TGM2: variants seen among roughly 807,000 people sequenced by gnomAD.
TGM2 encodes protein-glutamine gamma-glutamyltransferase 2.
Under a neutral mutation model 75.6 loss-of-function variants are expected in TGM2, and 53 were observed. The observed-to-expected ratio is 0.70, with a 90% CI of 0.56 to 0.88. TGM2 has a LOEUF of 0.88. Among genes scored for constraint, TGM2 ranks in the 40% least tolerant of loss-of-function variants. The probability of loss-of-function intolerance (pLI) is 0.00; values close to 1 mark genes in which losing one functional copy is unlikely to be tolerated. For synonymous variants in TGM2, 374 were observed against 381.1 expected (o/e 0.98, Z 0.22); for missense variants, 842 against 928.5 (o/e 0.91, Z 1.21).
chr20:38,130,123 G>T lies in TGM2; in HGVS notation c.*96C>A. 1 of 1,545,046 alleles carries T rather than the reference G, an allele frequency of 6.5e-7. No homozygotes were observed. Among genetic ancestry groups the T allele is most frequent in the Non-Finnish European group, 8.8e-7 (1 of 1,137,640 alleles). ...CATAGGCTGCCCACCCTGCCCTGGGGTCTGGGGCCCAAGAAGGGGCATATT... is the reference window on the plus strand; with the variant it reads ...CATAGGCTGCCCACCCTGCCCTGGGTTCTGGGGCCCAAGAAGGGGCATATT... On this transcript the variant is annotated 3_prime_UTR_variant, in exon 13 of 13. Transcript: ENST00000361475.
In TGM2 at chr20:38,157,517, C is replaced by T. The variant is rs577559508; in HGVS notation, c.191-1428G>A. ...TATCCAAGAAGAAAACAGGCTTAGG[C>T]CACATGCCTGGGAGAGTCCAATCTC... On this transcript the variant is annotated intron_variant, in intron 2 of 12. Coordinates refer to ENST00000361475, the MANE Select transcript of TGM2 (RefSeq NM_004613.4). Among the ~76,000 whole-genome samples, 22 of 152,352 alleles carry T rather than the reference C, an allele frequency of 1.4e-4. No individual in the cohort carries two copies. The South Asian group carries it at 4.1e-3, about 29-fold the overall frequency.
chr20:38,164,119 A>G (rs1458784375), intron 1 of TGM2, among the ~76,000 whole-genome samples: 2 of 152,142 alleles, frequency 1.3e-5, no homozygotes, highest in African/African-American at 4.8e-5. Flanking sequence ...GCTTTTGAGC[A>G]TGGGGGTGAG....
At chr20:38,137,809 A>C in intron 10 of TGM2, 1 of 432,110 alleles carries the variant, frequency 2.3e-6, no homozygotes, top group Non-Finnish European at 4.1e-6. Context: ...GTGAAACCAA[A>C]CAGTATAGCT....
At chr20:38,132,240 G>T in intron 11 of TGM2, 100 bp downstream of exon 11, 1 of 1,391,892 alleles carries the variant, frequency 7.2e-7, no homozygotes, top group Non-Finnish European at 1.0e-6. Flanking sequence ...AAGGTCTGGA[G>T]CTTGCAGGGA....
intron 3 of TGM2, among the ~76,000 whole-genome samples, chr20:38,152,295 C>G (rs1416614296): frequency 1.3e-5 from 2 of 152,116 alleles, no homozygotes; most frequent in African/African-American, 2.4e-5. Context: ...TTGTCATGCC[C>G]GTCTGCAGCA....
intron 6 of TGM2, chr20:38,145,786 T>G (rs2075037583): frequency 7.5e-6 from 1 of 133,504 alleles, no homozygotes; most frequent in African/African-American, 3.1e-5. Flanking sequence ...TTTTTTTTTT[T>G]TGAGAGAGGA....
intron 9 of TGM2, 72 bp downstream of exon 9, chr20:38,139,340 C>T (rs1459981503): frequency 6.2e-7 from 1 of 1,610,574 alleles, no homozygotes; most frequent in East Asian, 2.2e-5. Context: ...CACACACATA[C>T]ACGAGCCTGC....
At position 38,132,208 on chromosome 20, in the gene TGM2, T is replaced by C. The variant is rs558912405; in HGVS notation, c.1776+132A>G. 6.0e-6 allele frequency: 6 copies of C among 999,088 alleles called. No homozygotes were observed. In the Admixed American group the frequency reaches 1.2e-4, roughly 20 times the overall value. The allele number at this position is 999,088 out of a possible 1,614,324, so 61.9% of individuals were successfully genotyped here. A position where few individuals can be genotyped will look rare whatever the true frequency, so the allele number is the denominator to read the frequency against. On this transcript the variant is annotated intron_variant, in intron 11 of 12. Coordinates refer to ENST00000361475, the MANE Select transcript of TGM2 (RefSeq NM_004613.4). ...ATGCTTTTCTTCGATGAGGCTAGGA[T>C]TTGAGGATCGCTAAGGCACCAAAGG...
At chr20:38,135,992 G>A (rs1400784568) in intron 10 of TGM2, among the ~76,000 whole-genome samples, 1 of 152,200 alleles carries the variant, frequency 6.6e-6, no homozygotes, top group Non-Finnish European at 1.5e-5. Context: ...GCCCAAGGTG[G>A]TGCATTCAGA....
chr20:38,149,553 T>C (rs976229403), intron 4 of TGM2, among the ~76,000 whole-genome samples: 2 of 151,266 alleles, frequency 1.3e-5, no homozygotes, highest in East Asian at 3.9e-4. Context: ...GTGGTGGGCG[T>C]CTGTAGTCCC....
chr20:38,164,916 G>A (rs2075294404), intron 1 of TGM2, among the ~76,000 whole-genome samples: 1 of 152,234 alleles, frequency 6.6e-6, no homozygotes, highest in Admixed American at 6.5e-5. Flanking sequence ...ACTGACTGAG[G>A]ACACGTGCCA....
At chr20:38,135,299 G>A (rs1426376880) in intron 10 of TGM2, among the ~76,000 whole-genome samples, 1 of 152,160 alleles carries the variant, frequency 6.6e-6, no homozygotes, top group East Asian at 1.9e-4. Flanking sequence ...GAGCTGGTGG[G>A]TGTGCACTGA....
intron 10 of TGM2, 66 bp from the exon 11 acceptor site, chr20:38,132,566 C>A (rs1041408786): frequency 1.3e-6 from 2 of 1,590,192 alleles, no homozygotes; most frequent in African/African-American, 1.3e-5. Context: ...TCTTGCAACT[C>A]CAAGAGGCAC....
At chr20:38,165,281 A>T, upstream of TGM2, 2 of 1,600,222 alleles carry the variant, frequency 1.2e-6, no homozygotes, top group Non-Finnish European at 1.7e-6. Context: ...GCCGAGGCGG[A>T]GAGCGGCGCT....
Position 38,162,862 on chromosome 20 carries a change from T to C in TGM2, c.11-1263A>G, listed in dbSNP as rs2075269718. ...CATAGGAATTTATTAAACAATTCTG[T>C]CTATTTTTGTGTATGTTCAATATTC... On this transcript the variant is annotated intron_variant, in intron 1 of 12. Coordinates refer to ENST00000361475, the MANE Select transcript of TGM2 (RefSeq NM_004613.4). Among the ~76,000 whole-genome samples the C allele has an allele frequency of 2.0e-5, 3 of 152,214 alleles. No individual in the cohort carries two copies. The South Asian group carries it at 6.2e-4, about 32-fold the overall frequency.
chr20:38,141,509 G>A (rs1474701520), intron 7 of TGM2, 124 bp from the exon 8 acceptor site: 1 of 771,540 alleles, frequency 1.3e-6, no homozygotes, highest in Non-Finnish European at 2.2e-6. Flanking sequence ...CTGAGCCCAG[G>A]GTGTCTCCCC....
rs562871455 is a variant in TGM2 at position 38,152,783 on chromosome 20, A to G, written c.434-1726T>C. On this transcript the variant is annotated intron_variant, in intron 3 of 12. Transcript: ENST00000361475. ...CCTGCCTCTGCATCACCAGCTCCAC[A>G]GTTCCCGCCCCGGGATGTGGGTCAC... 3.9e-3 allele frequency among the ~76,000 whole-genome samples: 598 copies of G among 152,266 alleles called. 1 individual carries two copies. The highest frequency in any genetic ancestry group is 5.0e-3 in the Non-Finnish European group (339 of 68,010).
chr20:38,154,966 C>T (rs894493147), intron 3 of TGM2, among the ~76,000 whole-genome samples: 33 of 152,188 alleles, frequency 2.2e-4, no homozygotes, highest in Non-Finnish European at 4.3e-4. Flanking sequence ...ATTAGCCAGG[C>T]GTGGTGGCAC....
At chr20:38,159,940 C>T (rs2075234428) in intron 2 of TGM2, among the ~76,000 whole-genome samples, 1 of 152,218 alleles carries the variant, frequency 6.6e-6, no homozygotes, top group South Asian at 2.1e-4. Context: ...GCCATGTACC[C>T]TAACTTTTCA....
Sources: gnomAD v4.1 joint callset for allele counts (sites outside exome capture counted in the v4.1 genomes callset) on GRCh38, gnomAD v4.1.1 for gene constraint, MANE v1.5 for transcripts, NCBI Gene and HGNC (gene_info 2026-07-23, HGNC 2026-07-21) for gene names.